ITGA9: variants seen among roughly 807,000 people sequenced by gnomAD.
ITGA9 encodes the protein integrin subunit alpha 9, also known as integrin alpha-9.
Under a neutral mutation model 127.8 loss-of-function variants are expected in ITGA9, and 56 were observed. That is an observed-to-expected ratio of 0.44 (90% CI 0.35 to 0.55). The LOEUF is 0.55. ITGA9 is among the 20% of genes least tolerant of loss of function. The probability of loss-of-function intolerance (pLI) is 0.00; values close to 1 mark genes in which losing one functional copy is unlikely to be tolerated. For missense variants in ITGA9, 1,196 were observed against 1,347.1 expected, an observed-to-expected ratio of 0.89 and a Z score of 1.76; for synonymous variants, 508 against 514.5, an observed-to-expected ratio of 0.99 and a Z score of 0.17.
intron 16 of ITGA9, among the ~76,000 whole-genome samples, chr3:37,641,869 T>C (rs888720665): frequency 6.6e-6 from 1 of 152,226 alleles, no homozygotes; most frequent in Non-Finnish European, 1.5e-5. Flanking sequence ...CTCTTCATTT[T>C]TTAGGTCTCA....
At chr3:37,638,057 T>C (rs182735128) in intron 16 of ITGA9, among the ~76,000 whole-genome samples, 17 of 152,300 alleles carry the variant, frequency 1.1e-4, no homozygotes, top group Admixed American at 2.0e-4. Context: ...GTTAAACTAA[T>C]AATTTGCCCA....
At chr3:37,753,484 A>G (rs1369124692) in intron 23 of ITGA9, among the ~76,000 whole-genome samples, 3 of 152,186 alleles carry the variant, frequency 2.0e-5, no homozygotes, top group African/African-American at 7.2e-5. Context: ...TGAAGAAGAG[A>G]ACATTCCAGA....
At chr3:37,748,586 A>G (rs1251178459) in intron 22 of ITGA9, 2 of 464,744 alleles carry the variant, frequency 4.3e-6, no homozygotes, top group South Asian at 2.2e-5. Context: ...CGTCTCTACT[A>G]AAATACAAAA....
At chr3:37,773,588 C>T (rs1277815445) in intron 23 of ITGA9, among the ~76,000 whole-genome samples, 2 of 140,718 alleles carry the variant, frequency 1.4e-5, no homozygotes, top group East Asian at 3.9e-4. Context: ...AAATTTAACT[C>T]TCTTTTTTTT....
At chr3:37,503,127 C>T in intron 5 of ITGA9, 51 bp from the exon 6 acceptor site, 1 of 1,605,874 alleles carries the variant, frequency 6.2e-7, no homozygotes, top group Non-Finnish European at 8.5e-7. Context: ...GCATTCCCCT[C>T]CTCCCCTCCT....
At chr3:37,471,802 C>A (rs1222177172) in intron 2 of ITGA9, among the ~76,000 whole-genome samples, 1 of 152,158 alleles carries the variant, frequency 6.6e-6, no homozygotes, top group Admixed American at 6.5e-5. Context: ...GACTGTAATC[C>A]CATCACTTTG....
intron 15 of ITGA9, among the ~76,000 whole-genome samples, chr3:37,565,072 A>G (rs997318547): frequency 2.0e-5 from 3 of 152,202 alleles, no homozygotes; most frequent in Non-Finnish European, 2.9e-5. Context: ...CCACCTCTGC[A>G]TGGCCAGCCT....
intron 24 of ITGA9, among the ~76,000 whole-genome samples, chr3:37,777,859 T>A (rs1351479038): frequency 6.6e-6 from 1 of 152,232 alleles, no homozygotes; most frequent in African/African-American, 2.4e-5. Context: ...AACGTGTGTA[T>A]CCTATGACAC....
chr3:37,774,088 G>A (rs1696875642), intron 23 of ITGA9, among the ~76,000 whole-genome samples: 1 of 152,184 alleles, frequency 6.6e-6, no homozygotes, highest in Non-Finnish European at 1.5e-5. Flanking sequence ...CCATGTTGGT[G>A]CTGAAATTTG....
chr3:37,544,134 G>A (rs539459786), intron 15 of ITGA9, among the ~76,000 whole-genome samples: 1 of 152,278 alleles, frequency 6.6e-6, no homozygotes, highest in South Asian at 2.1e-4. Flanking sequence ...CTTTCCTTTA[G>A]GTTTCTTTGC....
At chr3:37,713,424 G>C (rs78557821) in intron 18 of ITGA9, among the ~76,000 whole-genome samples, 1,719 of 152,282 alleles carry the variant, frequency 0.011, 11 homozygotes, top group East Asian at 0.023. Flanking sequence ...TCAGCTAAAA[G>C]GTTCAGTGGA....
At chr3:37,523,395 C>CT (rs5848034) in intron 11 of ITGA9, 126 bp from the exon 12 acceptor site, 23,413 of 533,808 alleles carry the variant, frequency 0.044, 401 homozygotes, top group African/African-American at 0.15. Flanking sequence ...ATTAGGATTA[C>CT]TTTTTTTTTT....
intron 5 of ITGA9, among the ~76,000 whole-genome samples, chr3:37,502,422 C>T (rs1218983030): frequency 6.6e-6 from 1 of 151,990 alleles, no homozygotes; most frequent in East Asian, 1.9e-4. Context: ...ACCATGTTGG[C>T]CAGGCTGGTT....
Position 37,597,010 on chromosome 3 carries a change from G to A in ITGA9, c.1690-32177G>A, listed in dbSNP as rs1699876868. On this transcript the variant is annotated intron_variant, in intron 15 of 27. Coordinates refer to ENST00000264741, the MANE Select transcript of ITGA9 (RefSeq NM_002207.3). This position sits in a 1 kb window ranked among gnomAD's most constrained non-coding sequence, Gnocchi z 4.6. ...CCCTCAAAAGGTGTTCTAAGCAGCT[G>A]CTGGGAAAGGGGGTGAGAGGAAGTG... Among the ~76,000 whole-genome samples the A allele has an allele frequency of 6.6e-6, 1 of 152,194 alleles. No homozygotes were observed. Among genetic ancestry groups the A allele is most frequent in the Non-Finnish European group, 1.5e-5 (1 of 68,030 alleles).
chr3:37,556,924 G>A (rs796469473), intron 15 of ITGA9, among the ~76,000 whole-genome samples: 1 of 152,192 alleles, frequency 6.6e-6, no homozygotes, highest in South Asian at 2.1e-4. Context: ...GCTGATGTGT[G>A]TTAATGGAGG....
intron 16 of ITGA9, among the ~76,000 whole-genome samples, chr3:37,641,442 C>G (rs999062984): frequency 6.6e-6 from 1 of 152,142 alleles, no homozygotes; most frequent in Non-Finnish European, 1.5e-5. Context: ...CCTCACGTGT[C>G]AGGCCCAAAG....
intron 1 of ITGA9, among the ~76,000 whole-genome samples, chr3:37,458,400 C>G (rs1340858947): frequency 2.0e-5 from 3 of 152,194 alleles, no homozygotes; most frequent in Non-Finnish European, 2.9e-5. Context: ...TTGGATGGGA[C>G]AGAGAGAGCC....
chr3:37,517,798 G>A (rs758569758), intron 10 of ITGA9, among the ~76,000 whole-genome samples, 189 bp downstream of exon 10: 1 of 152,234 alleles, frequency 6.6e-6, no homozygotes, highest in Admixed American at 6.5e-5. Context: ...CTGTAGACAC[G>A]CAGGGCTGAG....
chr3:37,533,529 A>G, intron 14 of ITGA9, 61 bp downstream of exon 14: 4 of 1,554,186 alleles, frequency 2.6e-6, no homozygotes, highest in Non-Finnish European at 3.5e-6. Flanking sequence ...CTAGTGGGAT[A>G]TTTCCGATGT....
Sources: gnomAD v4.1 joint callset for allele counts (sites outside exome capture counted in the v4.1 genomes callset) on GRCh38, gnomAD v4.1.1 for gene constraint, Gnocchi (gnomAD v3.1) non-coding constraint, MANE v1.5 for transcripts, NCBI Gene and HGNC (gene_info 2026-07-23, HGNC 2026-07-21) for gene names.